The following IPCEF1 variants were observed in gnomAD, a reference collection of about 807,000 sequenced individuals.
The protein encoded by IPCEF1 is interaction protein for cytohesin exchange factors 1.
Under a neutral mutation model 50.9 loss-of-function variants are expected in IPCEF1, and 31 were observed. The observed-to-expected ratio is 0.61, with a 90% CI of 0.46 to 0.82. IPCEF1 has a LOEUF of 0.82. Ranked by LOEUF, IPCEF1 falls within the 40% of genes least tolerant of loss-of-function variation. The pLI, the probability that IPCEF1 is intolerant of heterozygous loss-of-function variation, is 0.00. For synonymous variants in IPCEF1, 181 were observed against 192.0 expected, an observed-to-expected ratio of 0.94 and a Z score of 0.47; for missense variants, 458 against 514.0, an observed-to-expected ratio of 0.89 and a Z score of 1.05.
At chr6:154,312,537 G>T (rs902394376) in intron 1 of IPCEF1, among the ~76,000 whole-genome samples, 2 of 151,810 alleles carry the variant, frequency 1.3e-5, no homozygotes, top group African/African-American at 2.4e-5. Flanking sequence ...TAGTAGAGAC[G>T]GGGTTTCACC....
rs189710090 is a variant in IPCEF1, at chr6:154,259,149, T to A, written c.36+6763A>T. Among the ~76,000 whole-genome samples the A allele has an allele frequency of 9.6e-4, 146 of 152,252 alleles. 2 individuals carry two copies. The highest frequency in any genetic ancestry group is 2.7e-3 in the Admixed American group (41 of 15,298). ...CCTTTCTCACTCCCAAAGAGGCACA[T>A]CCATAGAGAAAACCCCATAGGATTG... is the stretch of plus-strand genomic sequence containing the variant. On this transcript the variant is annotated intron_variant, in intron 3 of 11. Coordinates refer to ENST00000367220, the MANE Select transcript of IPCEF1 (RefSeq NM_001130700.2).
intron 3 of IPCEF1, among the ~76,000 whole-genome samples, chr6:154,264,991 A>G (rs1781717589): frequency 6.6e-6 from 1 of 152,092 alleles, no homozygotes; most frequent in Non-Finnish European, 1.5e-5. Context: ...GCCTCCCAAC[A>G]CACCACTTCT....
At chr6:154,204,636 T>C (rs1270841317) in intron 9 of IPCEF1, among the ~76,000 whole-genome samples, 1 of 152,196 alleles carries the variant, frequency 6.6e-6, no homozygotes, top group Non-Finnish European at 1.5e-5. Flanking sequence ...TACTCATCAC[T>C]GTGATCCTTA....
chr6:154,203,060 C>T (rs1363605410), intron 9 of IPCEF1, among the ~76,000 whole-genome samples: 1 of 152,194 alleles, frequency 6.6e-6, no homozygotes, highest in Non-Finnish European at 1.5e-5. Flanking sequence ...AGTGCTAAGG[C>T]ATGGCTCATT....
At chr6:154,190,555 TG>T (rs1408969314) in intron 10 of IPCEF1, among the ~76,000 whole-genome samples, 3 of 152,182 alleles carry the variant, frequency 2.0e-5, no homozygotes, top group African/African-American at 7.2e-5. Context: ...CATTCATTGA[TG>T]GTGGGAATGC....
At chr6:154,288,374 C>T (rs942293333) in intron 2 of IPCEF1, among the ~76,000 whole-genome samples, 17 of 152,072 alleles carry the variant, frequency 1.1e-4, no homozygotes, top group African/African-American at 4.1e-4. Flanking sequence ...TAATAGATAA[C>T]TGTGGGCGGC....
intron 1 of IPCEF1, among the ~76,000 whole-genome samples, chr6:154,313,583 A>C (rs1783138369): frequency 6.6e-6 from 1 of 152,154 alleles, no homozygotes; most frequent in African/African-American, 2.4e-5. Context: ...GTTAAGCCTA[A>C]TCTCTTCAAC....
chr6:154,303,147 A>G (rs959573469), intron 1 of IPCEF1, among the ~76,000 whole-genome samples: 2 of 145,742 alleles, frequency 1.4e-5, no homozygotes, highest in African/African-American at 5.1e-5. Flanking sequence ...GCTGGAGTGC[A>G]ATGGCACAAT....
In IPCEF1 at chr6:154,292,132, G is replaced by C. The variant is rs9383700; in HGVS notation, c.-61-2376C>G. Among the ~76,000 whole-genome samples, 4 of 152,062 alleles carry C rather than the reference G, an allele frequency of 2.6e-5. No individual in the cohort carries two copies. In the East Asian group the frequency reaches 7.7e-4, roughly 29 times the overall value. On this transcript the variant is annotated intron_variant, in intron 1 of 11. Transcript: ENST00000367220. ...TCAGGGATCACCAAGGCATGTCTACGGTCTCCTTTTACCTTTCAGGACATG... is the reference window on the plus strand; with the variant it reads ...TCAGGGATCACCAAGGCATGTCTACCGTCTCCTTTTACCTTTCAGGACATG...
At chr6:154,199,140 T>C (rs1369654067) in intron 10 of IPCEF1, among the ~76,000 whole-genome samples, 1 of 152,250 alleles carries the variant, frequency 6.6e-6, no homozygotes, top group African/African-American at 2.4e-5. Flanking sequence ...CTCCTTTATA[T>C]GTAAAGGTTC....
intron 1 of IPCEF1, among the ~76,000 whole-genome samples, chr6:154,317,156 G>A (rs1783240876): frequency 6.6e-6 from 1 of 152,104 alleles, no homozygotes. Context: ...CAAGCTGGGA[G>A]AAAATATTCA....
chr6:154,265,959 C>A lies in IPCEF1; in HGVS notation c.-12G>T. The A allele has an allele frequency of 6.3e-7, 1 of 1,592,048 alleles. No homozygotes were observed. On this transcript the variant is annotated 5_prime_UTR_variant, in exon 3 of 12. Transcript: ENST00000367220. ...ATGTATGATGTCATCTTAGTAGAAA[C>A]AAAAGCTAGAAGAGAAAAAATGTTT...
intron 5 of IPCEF1, among the ~76,000 whole-genome samples, chr6:154,239,986 G>C (rs1780451066): frequency 6.6e-6 from 1 of 152,230 alleles, no homozygotes; most frequent in Non-Finnish European, 1.5e-5. Flanking sequence ...ACAGGCGTGA[G>C]CCACAGCACC....
intron 1 of IPCEF1, among the ~76,000 whole-genome samples, chr6:154,354,571 A>G (rs1003393125): frequency 3.4e-5 from 5 of 146,816 alleles, no homozygotes; most frequent in Non-Finnish European, 7.5e-5. Context: ...CGCCTCCACA[A>G]CCACCTCTAC....
intron 10 of IPCEF1, among the ~76,000 whole-genome samples, chr6:154,172,950 G>T (rs1799995314): frequency 6.6e-6 from 1 of 152,182 alleles, no homozygotes; most frequent in Admixed American, 6.5e-5. Context: ...CCCCTCTGGG[G>T]CAAAGCTTCC....
chr6:154,354,816 A>G (rs1180010067), intron 1 of IPCEF1, among the ~76,000 whole-genome samples: 2 of 152,228 alleles, frequency 1.3e-5, no homozygotes, highest in East Asian at 3.8e-4. Context: ...GTGCCTGAGT[A>G]ACAGAGATAA....
chr6:154,340,612 G>A (rs150924649), intron 1 of IPCEF1, among the ~76,000 whole-genome samples: 202 of 151,958 alleles, frequency 1.3e-3, no homozygotes, highest in African/African-American at 4.6e-3. Flanking sequence ...AGGGCCAGGC[G>A]CGGTGACTCA....
chr6:154,238,239 G>A (rs1352255739), intron 5 of IPCEF1, among the ~76,000 whole-genome samples: 1 of 152,054 alleles, frequency 6.6e-6, no homozygotes, highest in African/African-American at 2.4e-5. Context: ...CTCGTGCCAT[G>A]GTGGTAGGAA....
intron 1 of IPCEF1, among the ~76,000 whole-genome samples, chr6:154,352,158 A>G (rs1363902637): frequency 6.6e-6 from 1 of 152,254 alleles, no homozygotes; most frequent in Non-Finnish European, 1.5e-5. Context: ...AGAAAAAAAA[A>G]AAGAAATTGT....
Sources: gnomAD v4.1 joint callset for allele counts (sites outside exome capture counted in the v4.1 genomes callset) on GRCh38, gnomAD v4.1.1 for gene constraint, MANE v1.5 for transcripts, NCBI Gene and HGNC (gene_info 2026-07-23, HGNC 2026-07-21) for gene names.